The following TBC1D5 variants were observed in gnomAD, a reference collection of about 807,000 sequenced individuals.
TBC1D5 encodes TBC1 domain family, member 5.
A neutral mutation model predicts 100.3 loss-of-function variants in TBC1D5; 75 were observed. The ratio of observed to expected loss-of-function variants is 0.75; its 90% confidence interval spans 0.62 to 0.91. The LOEUF (loss-of-function observed/expected upper bound fraction) is 0.91. TBC1D5 is among the 40% of genes least tolerant of loss of function. The pLI is 0.00. For synonymous variants in TBC1D5, 323 were observed against 325.6 expected (o/e 0.99, Z 0.09); for missense variants, 910 against 942.4 (o/e 0.97, Z 0.45).
chr3:17,258,694 G>T, intron 15 of TBC1D5, 103 bp from the exon 16 acceptor site: 1 of 825,502 alleles, frequency 1.2e-6, no homozygotes, highest in Non-Finnish European at 1.8e-6. Context: ...AAAAGAATAT[G>T]TATAATATAA....
At chr3:17,729,771 A>G (rs2076407970) in intron 1 of TBC1D5, among the ~76,000 whole-genome samples, 1 of 152,126 alleles carries the variant, frequency 6.6e-6, no homozygotes. Flanking sequence ...ACATTAAGTA[A>G]AATTGTTCAA....
chr3:17,563,282 C>T (rs539957768), intron 2 of TBC1D5, among the ~76,000 whole-genome samples: 20 of 152,252 alleles, frequency 1.3e-4, no homozygotes, highest in East Asian at 1.9e-4. Flanking sequence ...GTTCGGTATG[C>T]GGGCCTGGAG....
At chr3:17,446,400 A>C (rs144185667) in intron 3 of TBC1D5, among the ~76,000 whole-genome samples, 1 of 152,306 alleles carries the variant, frequency 6.6e-6, no homozygotes, top group African/African-American at 2.4e-5. Flanking sequence ...AAGAGATGTC[A>C]ATAATGATTC....
intron 3 of TBC1D5, among the ~76,000 whole-genome samples, chr3:17,481,479 C>A (rs1387246243): frequency 4.6e-5 from 7 of 152,208 alleles, no homozygotes; most frequent in Admixed American, 4.6e-4. Flanking sequence ...CAACTTAAGC[C>A]TGTGAAGTAG....
chr3:17,488,213 T>C (rs1429502681), intron 3 of TBC1D5, among the ~76,000 whole-genome samples: 2 of 152,202 alleles, frequency 1.3e-5, no homozygotes, highest in Non-Finnish European at 1.5e-5. Flanking sequence ...CACAATGTCA[T>C]ATAGTTGGAA....
intron 17 of TBC1D5, among the ~76,000 whole-genome samples, chr3:17,228,154 T>G (rs982576446): frequency 1.3e-5 from 2 of 152,152 alleles, no homozygotes; most frequent in African/African-American, 2.4e-5. Flanking sequence ...GGCCTTCAAC[T>G]GAGGCTGTGG....
intron 1 of TBC1D5, among the ~76,000 whole-genome samples, chr3:17,648,869 A>G (rs946094361): frequency 1.3e-5 from 2 of 152,192 alleles, no homozygotes; most frequent in Non-Finnish European, 2.9e-5. Context: ...ACACTTATAC[A>G]CTGTTGGTGG....
chr3:17,213,029 G>A (rs897528167), intron 18 of TBC1D5, among the ~76,000 whole-genome samples: 37 of 152,132 alleles, frequency 2.4e-4, no homozygotes, highest in Middle Eastern at 6.8e-3. Context: ...TCACTCACTC[G>A]CCCAGAGCCA....
chr3:17,700,498 G>C (rs1442676360), intron 1 of TBC1D5, among the ~76,000 whole-genome samples: 2 of 152,112 alleles, frequency 1.3e-5, no homozygotes, highest in African/African-American at 2.4e-5. Flanking sequence ...TTAAACTAAA[G>C]AGTTTCTGCA....
intron 3 of TBC1D5, among the ~76,000 whole-genome samples, chr3:17,443,221 C>T (rs935300641): frequency 1.3e-5 from 2 of 152,020 alleles, no homozygotes; most frequent in Non-Finnish European, 2.9e-5. Flanking sequence ...GAATATGAGC[C>T]TCTTTAAATT....
At chr3:17,738,081 AC>A (rs1311783199) in intron 1 of TBC1D5, among the ~76,000 whole-genome samples, 6 of 152,178 alleles carry the variant, frequency 3.9e-5, no homozygotes, top group Non-Finnish European at 5.9e-5. Context: ...ATCACCAAAG[AC>A]ATGTTTTTTT....
At chr3:17,161,211 C>G in exon 22 of TBC1D5, 1 of 1,614,140 alleles carries the variant, frequency 6.2e-7, no homozygotes, top group East Asian at 2.2e-5. Context: ...AGGATGAAGT[C>G]ATCGGAATTC....
At chr3:17,327,095 A>G (rs2086247351) in intron 13 of TBC1D5, among the ~76,000 whole-genome samples, 1 of 152,186 alleles carries the variant, frequency 6.6e-6, no homozygotes, top group Non-Finnish European at 1.5e-5. Context: ...ATTCATTTAA[A>G]TTTAAAAATT....
intron 2 of TBC1D5, among the ~76,000 whole-genome samples, chr3:17,617,251 C>T (rs566028705): frequency 2.6e-5 from 4 of 152,294 alleles, no homozygotes; most frequent in East Asian, 3.9e-4. Context: ...CCGAGAGATC[C>T]GCTGTTAGTC....
At chr3:17,214,232 C>T (rs549407852) in exon 18 of TBC1D5, 2 of 1,612,476 alleles carry the variant, frequency 1.2e-6, no homozygotes, top group Non-Finnish European at 8.5e-7. Flanking sequence ...CATAGTTTTG[C>T]TGTGTGAGCG....
At chr3:17,652,633 A>T (rs886825510) in intron 1 of TBC1D5, among the ~76,000 whole-genome samples, 3 of 152,216 alleles carry the variant, frequency 2.0e-5, no homozygotes, top group African/African-American at 7.2e-5. Flanking sequence ...TCAAGTCCAG[A>T]AAAAAGTAGT....
At chr3:17,275,212 T>C (rs1381903518) in intron 15 of TBC1D5, among the ~76,000 whole-genome samples, 1 of 152,062 alleles carries the variant, frequency 6.6e-6, no homozygotes, top group Non-Finnish European at 1.5e-5. Context: ...ATTAACACTA[T>C]TTGCCTCTGA....
chr3:17,214,298 G>T, exon 18 of TBC1D5: 1 of 1,613,340 alleles, frequency 6.2e-7, no homozygotes, highest in East Asian at 2.2e-5. Flanking sequence ...TGAAGGTGGA[G>T]AGCCAGTGAA....
intron 13 of TBC1D5, among the ~76,000 whole-genome samples, chr3:17,317,384 C>A (rs1361780990): frequency 6.6e-6 from 1 of 151,968 alleles, no homozygotes; most frequent in Non-Finnish European, 1.5e-5. Flanking sequence ...TATGAAGGAG[C>A]CATGAAGGGA....
Sources: allele counts gnomAD v4.1 joint callset (sites outside exome capture counted in the v4.1 genomes callset), GRCh38; gene constraint gnomAD v4.1.1; transcripts MANE v1.5; gene names NCBI Gene and HGNC (gene_info 2026-07-23, HGNC 2026-07-21).